The following TENM4 variants were observed in gnomAD, a reference collection of about 807,000 sequenced individuals.
TENM4 encodes the protein teneurin-4.
A neutral mutation model predicts 243.3 loss-of-function variants in TENM4; 82 were observed. That is an observed-to-expected ratio of 0.34 (90% CI 0.28 to 0.40). TENM4 has a LOEUF of 0.40. TENM4 is among the 10% of genes least tolerant of loss of function. The pLI is 1.00. For synonymous variants in TENM4, 1,412 were observed against 1,456.3 expected, an observed-to-expected ratio of 0.97 and a Z score of 0.69; for missense variants, 3,138 against 3,673.3, an observed-to-expected ratio of 0.85 and a Z score of 3.77.
chr11:78,938,527 A>AT (rs200161507), intron 6 of TENM4, among the ~76,000 whole-genome samples: 10 of 151,626 alleles, frequency 6.6e-5, no homozygotes, highest in East Asian at 5.8e-4. Context: ...TTCATAGTCA[A>AT]TTTTTTTTTA....
intron 3 of TENM4, among the ~76,000 whole-genome samples, chr11:79,158,052 C>G (rs12788335): frequency 6.6e-6 from 1 of 152,066 alleles, no homozygotes; most frequent in Admixed American, 6.5e-5. Context: ...TCTCAGAAGT[C>G]GATCCCAGCT....
chr11:79,147,856 CA>C (rs1436800115), intron 4 of TENM4, among the ~76,000 whole-genome samples: 1 of 152,086 alleles, frequency 6.6e-6, no homozygotes, highest in African/African-American at 2.4e-5. Context: ...GGATTGGACC[CA>C]GATTCCATGG....
chr11:79,077,471 G>T (rs188931399), intron 4 of TENM4, among the ~76,000 whole-genome samples: 1 of 152,160 alleles, frequency 6.6e-6, no homozygotes, highest in Non-Finnish European at 1.5e-5. Flanking sequence ...GTAAAAATAC[G>T]CTTATATTGC....
chr11:79,345,295 T>A (rs1857308059), intron 1 of TENM4, among the ~76,000 whole-genome samples: 1 of 152,192 alleles, frequency 6.6e-6, no homozygotes, highest in African/African-American at 2.4e-5. Context: ...TGTTCTTGGG[T>A]TTTCCTATTC....
intron 2 of TENM4, among the ~76,000 whole-genome samples, chr11:79,219,325 T>C (rs928007483): frequency 3.3e-5 from 5 of 152,158 alleles, no homozygotes; most frequent in African/African-American, 9.7e-5. Context: ...AATGTGGTCA[T>C]TGTTCAGTGA....
Position 79,343,907 on chromosome 11 carries a change from G to A in TENM4, c.-320-46364C>T, listed in dbSNP as rs376521291. On this transcript the variant is annotated intron_variant, in intron 1 of 33. Transcript: ENST00000278550. ...ATCTGCAGGGGCTTGTGTCTGCCAC[G>A]GTGGACATCCCCTTAGCTGGCACAA... 1.6e-3 allele frequency among the ~76,000 whole-genome samples: 237 copies of A among 152,312 alleles called. 1 individual carries two copies. Among genetic ancestry groups the A allele is most frequent in the African/African-American group, 5.3e-3 (221 of 41,580 alleles).
chr11:78,691,301 C>G (rs1024827241), intron 28 of TENM4, among the ~76,000 whole-genome samples: 43 of 152,226 alleles, frequency 2.8e-4, no homozygotes, highest in African/African-American at 8.7e-4. Flanking sequence ...CAGTTCATCT[C>G]TGCTTCACCA....
chr11:78,997,350 C>G (rs1311878854), intron 6 of TENM4, among the ~76,000 whole-genome samples: 1 of 152,174 alleles, frequency 6.6e-6, no homozygotes, highest in African/African-American at 2.4e-5. Flanking sequence ...TGTTTTGGCA[C>G]AGAAGATAAT....
intron 1 of TENM4, among the ~76,000 whole-genome samples, chr11:79,383,357 C>A (rs1422981453): frequency 1.3e-5 from 2 of 152,220 alleles, no homozygotes; most frequent in Non-Finnish European, 2.9e-5. Flanking sequence ...TTGGTTCCAC[C>A]CCCAGGTGCC....
chr11:79,055,213 CTCTAT>C (rs1859912330), intron 6 of TENM4, among the ~76,000 whole-genome samples: 1 of 150,612 alleles, frequency 6.6e-6, no homozygotes, highest in Non-Finnish European at 1.5e-5. Flanking sequence ...TTCTGCTTCT[CTCTAT>C]TCTATCTATT....
chr11:79,259,465 C>G (rs1288117707), intron 2 of TENM4, among the ~76,000 whole-genome samples: 1 of 152,154 alleles, frequency 6.6e-6, no homozygotes, highest in African/African-American at 2.4e-5. Context: ...CTATCTTCAT[C>G]TACCCAGCCA....
intron 12 of TENM4, among the ~76,000 whole-genome samples, chr11:78,834,261 C>T (rs1858049953): frequency 6.6e-6 from 1 of 152,164 alleles, no homozygotes; most frequent in South Asian, 2.1e-4. Context: ...TCTTGTTTTA[C>T]ATTGACAGTA....
intron 20 of TENM4, among the ~76,000 whole-genome samples, chr11:78,736,155 C>A (rs1224581000): frequency 6.6e-6 from 1 of 151,876 alleles, no homozygotes; most frequent in African/African-American, 2.4e-5. Context: ...CATGGTTTTG[C>A]CATGCTGCCT....
intron 2 of TENM4, among the ~76,000 whole-genome samples, chr11:79,246,261 T>A (rs767142055): frequency 2.6e-5 from 4 of 152,208 alleles, no homozygotes; most frequent in Non-Finnish European, 2.9e-5. Flanking sequence ...TATGACTTAT[T>A]TCTCAGATTT....
chr11:78,903,419 G>T lies in TENM4; in HGVS notation c.598C>A (p.Leu200Met). ...CTCGGCGTGAAGTTGCCCCGGTTCA[G>T]GGAGTTAATGGAGGCCGCGTGGTGC... ...NQHHAASINS[L>M]NRGNFTPRSN... Residue 200 changes from leucine to methionine, a missense_variant, in exon 7 of 34, where the codon CTG becomes ATG. Coordinates refer to ENST00000278550, the MANE Select transcript of TENM4 (RefSeq NM_001098816.3). 1 of 1,544,858 alleles carries T rather than the reference G, an allele frequency of 6.5e-7. No homozygotes were observed. The highest frequency in any genetic ancestry group is 8.7e-7 in the Non-Finnish European group (1 of 1,143,646).
chr11:79,274,605 C>T (rs1446367352), intron 2 of TENM4, among the ~76,000 whole-genome samples: 1 of 152,148 alleles, frequency 6.6e-6, no homozygotes, highest in African/African-American at 2.4e-5. Flanking sequence ...CCCCTCCTCT[C>T]CTATCCCCTG....
intron 4 of TENM4, among the ~76,000 whole-genome samples, chr11:79,115,702 C>T (rs887445610): frequency 2.0e-5 from 3 of 152,146 alleles, no homozygotes; most frequent in Non-Finnish European, 4.4e-5. Flanking sequence ...TTGGGCATTC[C>T]AAAGTGCTTG....
At position 78,903,454 on chromosome 11, in the gene TENM4, G is replaced by A. The variant is rs1465055694; in HGVS notation, c.563C>T (p.Thr188Ile). 1.3e-6 allele frequency: 2 copies of A among 1,549,018 alleles called. No homozygotes were observed. Among genetic ancestry groups the A allele is most frequent in the Non-Finnish European group, 1.7e-6 (2 of 1,145,854 alleles). The change falls in exon 7 of 34, where the codon ACC becomes ATC. Residue 188 changes from threonine (T) to isoleucine (I), a missense_variant. Transcript: ENST00000278550. The stretch of plus-strand genomic sequence containing the variant: ...GGAGGCCGCGTGGTGCTGGTTGGGG[G>A]TGTGGGCGTGCGAGAGCGGCGGCGG... ...TPPPPLSHAH[T>I]PNQHHAASIN...
At chr11:78,922,742 A>T (rs1205095389) in intron 6 of TENM4, among the ~76,000 whole-genome samples, 1 of 152,224 alleles carries the variant, frequency 6.6e-6, no homozygotes, top group Non-Finnish European at 1.5e-5. Context: ...ACATATCAGG[A>T]AAGTGAGTTA....
Sources: allele counts gnomAD v4.1 joint callset (sites outside exome capture counted in the v4.1 genomes callset), GRCh38; gene constraint gnomAD v4.1.1; transcripts MANE v1.5; gene names NCBI Gene and HGNC (gene_info 2026-07-23, HGNC 2026-07-21).